Variants in CSMD1 observed in about 807,000 individuals in gnomAD.
CSMD1 encodes CUB and sushi domain-containing protein 1.
CSMD1 carries 213 observed loss-of-function variants against 417.5 expected under a neutral mutation model. That is an observed-to-expected ratio of 0.51 (90% CI 0.46 to 0.57). The LOEUF (loss-of-function observed/expected upper bound fraction) is 0.57, where lower values mean the gene tolerates loss of function less well. Ranked by LOEUF, CSMD1 falls within the 20% of genes least tolerant of loss-of-function variation. The probability of loss-of-function intolerance (pLI) is 0.00; values close to 1 mark genes in which losing one functional copy is unlikely to be tolerated. For missense variants in CSMD1, 6,923 were observed against 4,529.7 expected (o/e 1.53, Z -15.17); for synonymous variants, 2,862 against 1,736.8 (o/e 1.65, Z -16.11).
At position 2,937,520 on chromosome 8, in the gene CSMD1, T is replaced by C. The variant is rs1212458172; in HGVS notation, c.*1065A>G. On this transcript the variant is annotated 3_prime_UTR_variant, in exon 70 of 70. Transcript: ENST00000635120. The stretch of plus-strand genomic sequence containing the variant: ...AAAACCCACAAGTTCATCGACTATC[T>C]AAAATAAATTACTATTCACAGTTTT... 3 of 151,498 alleles carry C rather than the reference T, an allele frequency of 2.0e-5. No individual in the cohort carries two copies. In the East Asian group the frequency reaches 5.8e-4, roughly 29 times the overall value. The allele number at this position is 151,498 out of a possible 1,614,324, so 9.4% of individuals were successfully genotyped here.
intron 3 of CSMD1, among the ~76,000 whole-genome samples, chr8:4,379,150 T>G (rs913737003): frequency 6.6e-6 from 1 of 152,196 alleles, no homozygotes. Context: ...GCCCCTGTAA[T>G]TTGAGACACT....
At chr8:4,596,852 T>C (rs1800306844) in intron 2 of CSMD1, among the ~76,000 whole-genome samples, 1 of 152,148 alleles carries the variant, frequency 6.6e-6, no homozygotes, top group Non-Finnish European at 1.5e-5. Context: ...AATTGAATCA[T>C]GGGGGCTGAT....
At chr8:4,326,189 G>T (rs35595866) in intron 3 of CSMD1, among the ~76,000 whole-genome samples, 27,022 of 152,000 alleles carry the variant, frequency 0.18, 2,457 homozygotes, top group Middle Eastern at 0.23. Flanking sequence ...AGCTCCCTGG[G>T]GATGCCAATG....
At chr8:3,188,042 T>G in intron 35 of CSMD1, 77 bp from the exon 36 acceptor site, 3 of 925,484 alleles carry the variant, frequency 3.2e-6, no homozygotes, top group Non-Finnish European at 5.0e-6. Flanking sequence ...GTTTTGGGGT[T>G]TTTCATGATT....
intron 2 of CSMD1, among the ~76,000 whole-genome samples, chr8:4,600,231 T>TACC (rs61487080): frequency 1.4e-4 from 1 of 7,212 alleles, no homozygotes; most frequent in African/African-American, 2.1e-4. Context: ...CCTCACGTGA[T>TACC]ACTCTACTCT....
intron 7 of CSMD1, among the ~76,000 whole-genome samples, chr8:3,660,192 G>T (rs887593475): frequency 5.9e-5 from 9 of 152,086 alleles, no homozygotes; most frequent in African/African-American, 2.2e-4. Context: ...TTAGAGTGTG[G>T]GTTTGGGAGC....
chr8:4,508,537 T>C (rs1269662724), intron 2 of CSMD1, among the ~76,000 whole-genome samples: 1 of 152,160 alleles, frequency 6.6e-6, no homozygotes, highest in Non-Finnish European at 1.5e-5. Context: ...ATTTGCAAGA[T>C]GAAGTTTACT....
intron 5 of CSMD1, among the ~76,000 whole-genome samples, chr8:3,760,965 T>TC (rs386411909): frequency 2.0e-5 from 3 of 152,050 alleles, no homozygotes; most frequent in Admixed American, 2.0e-4. Flanking sequence ...CTTTTTCTTT[T>TC]TTTTTTGCAT....
chr8:4,034,307 T>G (rs1223388392), intron 3 of CSMD1, among the ~76,000 whole-genome samples: 3 of 152,352 alleles, frequency 2.0e-5, no homozygotes, highest in Admixed American at 6.5e-5. Context: ...GACATGTTTA[T>G]GAGATCTCTA....
intron 1 of CSMD1, among the ~76,000 whole-genome samples, chr8:4,653,583 G>A (rs544117755): frequency 1.3e-5 from 2 of 151,992 alleles, no homozygotes; most frequent in Non-Finnish European, 2.9e-5. Context: ...TGTGATTTAT[G>A]ACATGCATTA....
chr8:4,456,067 A>G (rs1253109368), intron 2 of CSMD1, among the ~76,000 whole-genome samples: 2 of 143,090 alleles, frequency 1.4e-5, no homozygotes, highest in African/African-American at 2.6e-5. Flanking sequence ...ACCAAAAAAA[A>G]AAAAAAAAAA....
intron 1 of CSMD1, among the ~76,000 whole-genome samples, chr8:4,991,600 G>C (rs1452912246): frequency 6.6e-6 from 1 of 152,154 alleles, no homozygotes; most frequent in Non-Finnish European, 1.5e-5. Flanking sequence ...TCCTGCCGGA[G>C]CGCTCCTCCC....
intron 3 of CSMD1, among the ~76,000 whole-genome samples, chr8:4,401,397 G>A (rs141394842): frequency 1.3e-5 from 2 of 152,110 alleles, no homozygotes; most frequent in Non-Finnish European, 1.5e-5. Context: ...GATGTTAGTT[G>A]TTTATGACCA....
At chr8:3,817,648 A>G (rs117591733) in intron 5 of CSMD1, among the ~76,000 whole-genome samples, 3,686 of 152,148 alleles carry the variant, frequency 0.024, 59 homozygotes, top group African/African-American at 0.041. Flanking sequence ...AAACACTCCC[A>G]TGTTAAAAAC....
Position 2,997,641 on chromosome 8 carries a change from T to C in CSMD1, c.8377+370A>G, listed in dbSNP as rs944670608. On this transcript the variant is annotated intron_variant, in intron 54 of 69. Transcript: ENST00000635120. ...AAGAAATGAATCAAAAAATAAATAA[T>C]TGAAAATTTAAAACAGTAAGAACTT... Among the ~76,000 whole-genome samples, 4 of 152,062 alleles carry C rather than the reference T, an allele frequency of 2.6e-5. 1 individual carries two copies. The highest frequency in any genetic ancestry group is 1.9e-4 in the East Asian group (1 of 5,198).
chr8:4,499,758 G>C (rs753065196), intron 2 of CSMD1, among the ~76,000 whole-genome samples: 2 of 152,164 alleles, frequency 1.3e-5, no homozygotes, highest in East Asian at 1.9e-4. Flanking sequence ...AAATAAGAAA[G>C]TTAGTAAAGG....
intron 1 of CSMD1, among the ~76,000 whole-genome samples, chr8:4,861,909 A>T (rs1802159242): frequency 6.6e-6 from 1 of 152,082 alleles, no homozygotes. Flanking sequence ...AGAACTTTCC[A>T]CTTATTATAC....
intron 1 of CSMD1, among the ~76,000 whole-genome samples, chr8:4,907,498 T>A (rs4875405): frequency 6.6e-6 from 1 of 151,224 alleles, no homozygotes; most frequent in Non-Finnish European, 1.5e-5. Context: ...ACTCATAACA[T>A]CTTACTAGAA....
intron 50 of CSMD1, among the ~76,000 whole-genome samples, chr8:3,039,367 C>CTTCT (rs1810923537): frequency 1.4e-5 from 2 of 145,170 alleles, no homozygotes; most frequent in African/African-American, 5.4e-5. Context: ...TCCTCCTTTA[C>CTTCT]TTTCCTTTCT....
Sources: gnomAD v4.1 joint callset for allele counts (sites outside exome capture counted in the v4.1 genomes callset) on GRCh38, gnomAD v4.1.1 for gene constraint, MANE v1.5 for transcripts, NCBI Gene and HGNC (gene_info 2026-07-23, HGNC 2026-07-21) for gene names.